The following ATCAY variants were observed in gnomAD, a reference collection of about 807,000 sequenced individuals.
The protein encoded by ATCAY is caytaxin.
In ATCAY, 22 loss-of-function variants were observed where a neutral mutation model predicts 47.7. The ratio of observed to expected loss-of-function variants is 0.46; its 90% CI spans 0.33 to 0.66. The LOEUF is 0.66. Among genes scored for constraint, ATCAY ranks in the 30% least tolerant of loss-of-function variants. The pLI, the probability that ATCAY is intolerant of heterozygous loss-of-function variation, is 0.02. For missense variants in ATCAY, 452 were observed against 515.0 expected, an observed-to-expected ratio of 0.88 and a Z score of 1.18; for synonymous variants, 216 against 207.6, an observed-to-expected ratio of 1.04 and a Z score of -0.35.
chr19:3,913,926 A>T (rs1038767906), intron 9 of ATCAY, 70 bp downstream of exon 9: 2 of 1,407,444 alleles, frequency 1.4e-6, no homozygotes, highest in Non-Finnish European at 2.0e-6. Flanking sequence ...CACACCTGAG[A>T]CAGGGCAATT....
chr19:3,906,954 A>G (rs1036651530), intron 4 of ATCAY, among the ~76,000 whole-genome samples: 1 of 151,704 alleles, frequency 6.6e-6, no homozygotes, highest in Admixed American at 6.6e-5. Context: ...CCTGGCCAAC[A>G]TGGTGAAGCT....
intron 2 of ATCAY, among the ~76,000 whole-genome samples, chr19:3,891,472 C>A (rs992942583): frequency 6.6e-6 from 1 of 151,966 alleles, no homozygotes; most frequent in African/African-American, 2.4e-5. Flanking sequence ...TATGCGCCAA[C>A]TGTATACCAG....
intron 8 of ATCAY, among the ~76,000 whole-genome samples, chr19:3,912,582 A>T (rs940324127): frequency 1.3e-4 from 20 of 151,990 alleles, no homozygotes; most frequent in Non-Finnish European, 2.4e-4. Context: ...AGTGAAAAAA[A>T]TTTTTTTTTA....
At chr19:3,883,437 A>G (rs966680562) in intron 1 of ATCAY, among the ~76,000 whole-genome samples, 1 of 152,224 alleles carries the variant, frequency 6.6e-6, no homozygotes, top group African/African-American at 2.4e-5. Flanking sequence ...ACAATACTCT[A>G]TAATGACTGC....
chr19:3,907,678 G>T lies in ATCAY; in HGVS notation c.359-56G>T. 6.3e-7 allele frequency: 1 copy of T among 1,599,698 alleles called. No homozygotes were observed. The highest frequency in any genetic ancestry group is 1.1e-5 in the South Asian group (1 of 90,276). On this transcript the variant is annotated intron_variant, in intron 4 of 12. Coordinates refer to ENST00000450849, the MANE Select transcript of ATCAY (RefSeq NM_033064.5). The surrounding 1 kb of genome is among the most constrained non-coding windows in gnomAD (Gnocchi z 5.1). ...AGAGGGGAAGGAAGGCTGAGCAGGA[G>T]GGCAGGAGATATCCGGACTCTGGCG...
chr19:3,889,320 G>T (rs2038692400), intron 2 of ATCAY, among the ~76,000 whole-genome samples: 1 of 152,214 alleles, frequency 6.6e-6, no homozygotes, highest in South Asian at 2.1e-4. Flanking sequence ...AGCTGAGGAA[G>T]GAGAATCGCT....
chr19:3,895,462 G>A (rs755708301), intron 2 of ATCAY, among the ~76,000 whole-genome samples: 10 of 151,880 alleles, frequency 6.6e-5, no homozygotes, highest in Non-Finnish European at 1.2e-4. Context: ...TGATCTGCCC[G>A]CCTCGGCCTC....
intron 6 of ATCAY, among the ~76,000 whole-genome samples, chr19:3,908,717 TCCTCCTCCCCTTCCCTCTCCTCCTCCC>T (rs1380694115): frequency 2.7e-5 from 1 of 36,808 alleles, no homozygotes; most frequent in Non-Finnish European, 6.3e-5. Flanking sequence ...CCTTTTCTCC[TCCTCCTCCCCTTCCCTCTCCTCCTCCC>T]CCTCTTCCCC....
chr19:3,918,724 G>T, intron 10 of ATCAY, 82 bp from the exon 11 acceptor site: 2 of 1,471,256 alleles, frequency 1.4e-6, no homozygotes, highest in Non-Finnish European at 9.4e-7. Flanking sequence ...AGGAAAACCA[G>T]AGAGGCCAGT....
chr19:3,883,599 C>A (rs762556912), intron 1 of ATCAY, among the ~76,000 whole-genome samples: 1 of 152,196 alleles, frequency 6.6e-6, no homozygotes, highest in Non-Finnish European at 1.5e-5. Context: ...CTGTAAGGTG[C>A]TGAGCAGCAC....
intron 3 of ATCAY, among the ~76,000 whole-genome samples, chr19:3,903,893 C>T (rs1404183043): frequency 3.4e-5 from 5 of 148,136 alleles, no homozygotes; most frequent in Non-Finnish European, 7.4e-5. Flanking sequence ...AATCCCAGCA[C>T]TTTGGGAGGC....
intron 12 of ATCAY, among the ~76,000 whole-genome samples, chr19:3,923,035 A>G (rs1202427031): frequency 1.3e-5 from 2 of 152,162 alleles, no homozygotes; most frequent in African/African-American, 4.8e-5. Flanking sequence ...GTGAGCCACC[A>G]TGCCCAGCTG....
At chr19:3,917,426 T>G (rs1046212440) in intron 9 of ATCAY, among the ~76,000 whole-genome samples, 2 of 150,818 alleles carry the variant, frequency 1.3e-5, no homozygotes, top group African/African-American at 4.9e-5. Flanking sequence ...GTACTAAAAA[T>G]ACAAAAAATT....
At chr19:3,888,195 T>C (rs1373627912) in intron 2 of ATCAY, among the ~76,000 whole-genome samples, 1 of 151,906 alleles carries the variant, frequency 6.6e-6, no homozygotes, top group Non-Finnish European at 1.5e-5. Context: ...TGGCTAAAGA[T>C]AGCTGCTCAT....
intron 2 of ATCAY, among the ~76,000 whole-genome samples, chr19:3,887,914 C>T (rs2038677095): frequency 6.6e-6 from 1 of 151,266 alleles, no homozygotes; most frequent in African/African-American, 2.4e-5. Flanking sequence ...TGAGACCAGC[C>T]TGGCCGACAT....
rs112563476 is a variant in ATCAY, at chr19:3,908,338, C to G, written c.615C>G (p.Pro205=). The change falls in exon 6 of 13, where the codon CCC becomes CCG. Residue 205 remains proline, a synonymous_variant. Coordinates refer to ENST00000450849, the MANE Select transcript of ATCAY (RefSeq NM_033064.5). ...AACFLPDSSL[P]DYHYIMENLF... ...GCTTCCTTCCAGACAGCAGCCTCCC[C>G]GACTACCACTACATCATGGAGAACC... 1.3e-6 allele frequency: 2 copies of G among 1,594,022 alleles called. No individual in the cohort carries two copies. Among genetic ancestry groups the G allele is most frequent in the South Asian group, 1.1e-5 (1 of 87,794 alleles).
At chr19:3,894,201 G>T (rs2038744339) in intron 2 of ATCAY, among the ~76,000 whole-genome samples, 3 of 151,678 alleles carry the variant, frequency 2.0e-5, no homozygotes, top group Admixed American at 2.0e-4. Flanking sequence ...AATTAGCTGG[G>T]TGGCCGGGCG....
intron 10 of ATCAY, among the ~76,000 whole-genome samples, chr19:3,918,118 T>C (rs535588661): frequency 6.6e-6 from 1 of 152,112 alleles, no homozygotes; most frequent in Admixed American, 6.6e-5. Context: ...CCCAGCACTT[T>C]GAGAGGCTGT....
Position 3,924,679 on chromosome 19 carries a change from C to A in ATCAY, c.*87C>A. On this transcript the variant is annotated 3_prime_UTR_variant, in exon 13 of 13. Coordinates refer to ENST00000450849, the MANE Select transcript of ATCAY (RefSeq NM_033064.5). ...GACGCCCACTGGCCCCAGATCTCAT[C>A]CTGCCTCATCCTGAGTCCCAATCTT... 1 of 1,431,330 alleles carries A rather than the reference C, an allele frequency of 7.0e-7. No individual in the cohort carries two copies. Among genetic ancestry groups the A allele is most frequent in the Non-Finnish European group, 9.7e-7 (1 of 1,028,722 alleles). The allele number at this position is 1,431,330 out of a possible 1,614,324, so 88.7% of individuals were successfully genotyped here. A position where few individuals can be genotyped will look rare whatever the true frequency, so the allele number is the denominator to read the frequency against.
Sources: allele counts gnomAD v4.1 joint callset (sites outside exome capture counted in the v4.1 genomes callset), GRCh38; gene constraint gnomAD v4.1.1; non-coding constraint Gnocchi (gnomAD v3.1); transcripts MANE v1.5; gene names NCBI Gene and HGNC (gene_info 2026-07-23, HGNC 2026-07-21).